TOGARAM2: variants seen among roughly 807,000 people sequenced by gnomAD.
The protein encoded by TOGARAM2 is TOG array regulator of axonemal microtubules protein 2.
TOGARAM2 carries 85 observed loss-of-function variants against 93.3 expected under a neutral mutation model. That is an observed-to-expected ratio of 0.91 (90% confidence interval 0.76 to 1.09). The LOEUF is 1.09. TOGARAM2 is among the 50% of genes least tolerant of loss of function. The pLI is 0.00. For missense variants in TOGARAM2, 1,277 were observed against 1,334.5 expected (o/e 0.96, Z 0.67); for synonymous variants, 593 against 552.8 (o/e 1.07, Z -1.02).
intron 1 of TOGARAM2, among the ~76,000 whole-genome samples, chr2:28,992,493 A>G (rs141688746): frequency 1.6e-3 from 236 of 152,232 alleles, no homozygotes; most frequent in Admixed American, 3.3e-3. Flanking sequence ...CTGCCTTGGC[A>G]TGTTGACCTC....
chr2:29,034,976 C>T (rs1245217571), intron 16 of TOGARAM2, among the ~76,000 whole-genome samples: 1 of 151,994 alleles, frequency 6.6e-6, no homozygotes, highest in African/African-American at 2.4e-5. Context: ...ATACTGAAAC[C>T]CTGTCTCTAC....
chr2:29,035,195 G>A (rs1572766082), intron 16 of TOGARAM2, among the ~76,000 whole-genome samples: 1 of 151,574 alleles, frequency 6.6e-6, no homozygotes, highest in African/African-American at 2.4e-5. Flanking sequence ...TTCTTTTGTG[G>A]ATAGCCACTT....
chr2:29,045,421 C>G lies in TOGARAM2; in HGVS notation c.2722+11C>G, dbSNP rs776675230. 7 of 1,608,956 alleles carry G rather than the reference C, an allele frequency of 4.4e-6. No individual in the cohort carries two copies. The East Asian group carries it at 1.6e-4, about 36-fold the overall frequency. Reference sequence around the variant, plus strand: ...CAGATCGCCTGGCAGGTGAGCACCCCCAGCCCCACCCCACCCCATCTCCTG... The same window carrying G: ...CAGATCGCCTGGCAGGTGAGCACCCGCAGCCCCACCCCACCCCATCTCCTG... On this transcript the variant is annotated intron_variant, in intron 19 of 19. Transcript: ENST00000379558.
intron 1 of TOGARAM2, among the ~76,000 whole-genome samples, chr2:28,984,121 C>G (rs1455998150): frequency 2.0e-5 from 3 of 152,000 alleles, no homozygotes. Flanking sequence ...ATTACAGACC[C>G]AGGCTCCAGA....
At chr2:28,966,702 A>G (rs534400157) in intron 1 of TOGARAM2, among the ~76,000 whole-genome samples, 1 of 152,180 alleles carries the variant, frequency 6.6e-6, no homozygotes, top group South Asian at 2.1e-4. Context: ...CTGCATCCCA[A>G]TGTAGGCAAA....
intron 1 of TOGARAM2, 117 bp from the exon 2 acceptor site, chr2:28,994,608 T>G: frequency 2.4e-6 from 1 of 422,358 alleles, no homozygotes; most frequent in South Asian, 3.6e-5. Flanking sequence ...CATCCTTTGG[T>G]TTAGTGGCCG....
Position 29,008,865 on chromosome 2 carries a change from G to C in TOGARAM2, c.831-2590G>C, listed in dbSNP as rs1359494458. On this transcript the variant is annotated intron_variant, in intron 6 of 19. Coordinates refer to ENST00000379558, the MANE Select transcript of TOGARAM2 (RefSeq NM_199280.4). The stretch of plus-strand genomic sequence containing the variant: ...TCTGTGGGGCCAGGATTGGTACCTG[G>C]CATGGATTAGTTCCGTAATAAATAT... 3.9e-5 allele frequency among the ~76,000 whole-genome samples: 6 copies of C among 152,336 alleles called. No homozygotes were observed. The East Asian group carries it at 1.2e-3, about 29-fold the overall frequency.
intron 7 of TOGARAM2, among the ~76,000 whole-genome samples, chr2:29,013,855 G>A (rs778501377): frequency 2.6e-5 from 4 of 152,334 alleles, no homozygotes; most frequent in East Asian, 3.9e-4. Context: ...AGCTATGTAA[G>A]CATCCAATCC....
intron 18 of TOGARAM2, among the ~76,000 whole-genome samples, chr2:29,042,367 A>G (rs1029162897): frequency 7.9e-5 from 12 of 152,186 alleles, no homozygotes; most frequent in African/African-American, 2.7e-4. Context: ...TCTGCTGGAT[A>G]TGCATTTTTA....
chr2:29,005,465 C>T (rs1228059998), intron 6 of TOGARAM2, among the ~76,000 whole-genome samples: 1 of 56,428 alleles, frequency 1.8e-5, no homozygotes, highest in East Asian at 5.4e-4. Flanking sequence ...GCATGTGTGA[C>T]TGCATGTGTG....
intron 19 of TOGARAM2, chr2:29,047,615 T>C (rs1666819558): frequency 6.6e-6 from 1 of 152,286 alleles, no homozygotes; most frequent in Non-Finnish European, 1.5e-5. Context: ...GGCCTCACCA[T>C]CTTTGCCAGC....
In TOGARAM2 at chr2:28,970,694, C is replaced by T. The variant is rs188927910; in HGVS notation, c.-147+13997C>T. 2.6e-3 allele frequency among the ~76,000 whole-genome samples: 393 copies of T among 152,302 alleles called. 1 individual carries two copies. The highest frequency in any genetic ancestry group is 6.8e-3 in the Middle Eastern group (2 of 294). ...GCCCAGGGTGGACTCCCAGGAGCAACGCACCCACCTGCGCCCACTCTATTG... is the reference window on the plus strand; with the variant it reads ...GCCCAGGGTGGACTCCCAGGAGCAATGCACCCACCTGCGCCCACTCTATTG... On this transcript the variant is annotated intron_variant, in intron 1 of 6. Coordinates refer to the TOGARAM2 transcript ENST00000401723.
chr2:28,960,701 A>G (rs932218097), intron 1 of TOGARAM2, among the ~76,000 whole-genome samples: 1 of 152,206 alleles, frequency 6.6e-6, no homozygotes, highest in African/African-American at 2.4e-5. Context: ...ATCATCTGGA[A>G]GTTGTACCTC....
At chr2:29,021,478 A>T (rs1186119330) in intron 10 of TOGARAM2, among the ~76,000 whole-genome samples, 1 of 152,088 alleles carries the variant, frequency 6.6e-6, no homozygotes, top group Non-Finnish European at 1.5e-5. Context: ...ATTTGGCTAG[A>T]CAGAGGCCCT....
chr2:29,008,916 C>T (rs1273130564), intron 6 of TOGARAM2, among the ~76,000 whole-genome samples: 1 of 152,174 alleles, frequency 6.6e-6, no homozygotes, highest in African/African-American at 2.4e-5. Context: ...TGGTTTGTGA[C>T]ATGGATTTCC....
rs1224622208 is a variant in TOGARAM2 at position 29,033,578 on chromosome 2, G to T, written c.2225+15G>T. ...ATCAAGGAGGGGTATGGCTGCTCCT[G>T]TATCTCTGGGCTTCACATCTAAGAC... On this transcript the variant is annotated intron_variant, in intron 16 of 19. Coordinates refer to ENST00000379558, the MANE Select transcript of TOGARAM2 (RefSeq NM_199280.4). 1.2e-6 allele frequency: 2 copies of T among 1,607,608 alleles called. No homozygotes were observed. Among genetic ancestry groups the T allele is most frequent in the Non-Finnish European group, 1.7e-6 (2 of 1,176,792 alleles).
At chr2:29,023,358 G>A (rs1665101468) in intron 12 of TOGARAM2, among the ~76,000 whole-genome samples, 167 bp downstream of exon 12, 1 of 152,152 alleles carries the variant, frequency 6.6e-6, no homozygotes, top group Non-Finnish European at 1.5e-5. Flanking sequence ...TCTCAGATTG[G>A]AAAACTGAGG....
intron 1 of TOGARAM2, among the ~76,000 whole-genome samples, chr2:28,962,159 C>T (rs1309762609): frequency 2.6e-5 from 4 of 151,524 alleles, no homozygotes; most frequent in African/African-American, 9.7e-5. Context: ...TTGCTATATA[C>T]ACTATATATA....
At chr2:29,003,081 T>G (rs1410440278) in intron 5 of TOGARAM2, among the ~76,000 whole-genome samples, 5 of 152,194 alleles carry the variant, frequency 3.3e-5, no homozygotes, top group Admixed American at 3.3e-4. Context: ...CCCTCTCCAT[T>G]TTAAGCAAGA....
Sources: allele counts gnomAD v4.1 joint callset (sites outside exome capture counted in the v4.1 genomes callset), GRCh38; gene constraint gnomAD v4.1.1; transcripts MANE v1.5; gene names NCBI Gene and HGNC (gene_info 2026-07-23, HGNC 2026-07-21).